Variants in TACC2 observed in about 807,000 individuals in gnomAD.
TACC2 encodes transforming acidic coiled-coil-containing protein 2.
In TACC2, 137 loss-of-function variants were observed where a neutral mutation model predicts 227.3. That is an observed-to-expected ratio of 0.60 (90% CI 0.52 to 0.69). TACC2 has a LOEUF of 0.69. TACC2 is among the 30% of genes least tolerant of loss of function. TACC2 has a pLI of 0.00. For missense variants in TACC2, 3,470 were observed against 3,694.4 expected, an observed-to-expected ratio of 0.94 and a Z score of 1.57; for synonymous variants, 1,523 against 1,487.5, an observed-to-expected ratio of 1.02 and a Z score of -0.55.
At chr10:122,008,950 T>C (rs1446405773) in intron 1 of TACC2, among the ~76,000 whole-genome samples, 1 of 152,238 alleles carries the variant, frequency 6.6e-6, no homozygotes. Flanking sequence ...AGACATTTTT[T>C]AAAGAATTTT....
At chr10:122,016,260 T>TAAAA (rs1956604021) in intron 1 of TACC2, among the ~76,000 whole-genome samples, 1 of 33,556 alleles carries the variant, frequency 3.0e-5, no homozygotes, top group Admixed American at 3.8e-4. Flanking sequence ...AGACCCTGTC[T>TAAAA]GAAAAAAAAA....
chr10:122,203,503 G>C (rs1391233067), intron 8 of TACC2, among the ~76,000 whole-genome samples: 2 of 149,548 alleles, frequency 1.3e-5, no homozygotes, highest in South Asian at 2.1e-4. Context: ...CGGGCGGAGG[G>C]GCTCCTCACT....
chr10:122,120,631 C>G (rs2085567869), intron 5 of TACC2, among the ~76,000 whole-genome samples: 1 of 152,176 alleles, frequency 6.6e-6, no homozygotes, highest in East Asian at 1.9e-4. Context: ...CCTCGTGCGG[C>G]CTTGGGGAGA....
intron 5 of TACC2, among the ~76,000 whole-genome samples, chr10:122,094,534 C>A (rs2081171877): frequency 6.6e-6 from 1 of 152,202 alleles, no homozygotes; most frequent in African/African-American, 2.4e-5. Flanking sequence ...CCACCTTGGC[C>A]TCCTAAAGCA....
At chr10:122,067,505 T>C (rs978385867) in intron 3 of TACC2, among the ~76,000 whole-genome samples, 1 of 118,138 alleles carries the variant, frequency 8.5e-6, no homozygotes, top group Non-Finnish European at 1.7e-5. Context: ...TCACTGTTTC[T>C]GGTTTTTTTT....
chr10:122,148,841 T>C (rs1036641394), intron 7 of TACC2, among the ~76,000 whole-genome samples: 5 of 152,204 alleles, frequency 3.3e-5, no homozygotes, highest in Admixed American at 1.3e-4. Context: ...GGAGAACAGA[T>C]GTGACTTTGA....
rs377634953 is a variant in TACC2, at chr10:122,216,441, A to G, written c.7345-186A>G. On this transcript the variant is annotated intron_variant, in intron 10 of 22. Coordinates refer to ENST00000369005, the MANE Select transcript of TACC2 (RefSeq NM_206862.4). ...AACAAACCATCATAAAAGGAGATTC[A>G]TAGAGGGAAGAATCTGTGTGTCCAT... Among the ~76,000 whole-genome samples the G allele has an allele frequency of 1.5e-3, 233 of 151,384 alleles. 1 individual carries two copies. Among genetic ancestry groups the G allele is most frequent in the African/African-American group, 5.2e-3 (216 of 41,230 alleles).
Position 121,989,204 on chromosome 10 carries a change from G to A in TACC2, c.-330G>A, listed in dbSNP as rs1952936263. The A allele has an allele frequency of 6.6e-6, 1 of 152,296 alleles. No individual in the cohort carries two copies. The highest frequency in any genetic ancestry group is 6.5e-5 in the Admixed American group (1 of 15,284). 9.4% of individuals were successfully genotyped at this position (152,296 alleles called of 1,614,324 possible). ...CTCCAAGGGAAGGATCAGGAGAGAA[G>A]AAACGCAAATCCCAGAACCGTGCCA... is the stretch of plus-strand genomic sequence containing the variant. On this transcript the variant is annotated 5_prime_UTR_variant, in exon 1 of 23. Transcript: ENST00000369005.
At position 122,037,121 on chromosome 10, in the gene TACC2, T is replaced by C. The variant is rs537899516; in HGVS notation, c.34-13317T>C. ...GTTCTGGAAAAGGAACATTCTGGAA[T>C]AAGGTAACAGGTGTGTATGGTATAG... is the stretch of plus-strand genomic sequence containing the variant. On this transcript the variant is annotated intron_variant, in intron 2 of 22. Coordinates refer to ENST00000369005, the MANE Select transcript of TACC2 (RefSeq NM_206862.4). 2.0e-5 allele frequency among the ~76,000 whole-genome samples: 3 copies of C among 152,260 alleles called. No homozygotes were observed. The East Asian group carries it at 5.8e-4, about 30-fold the overall frequency.
intron 16 of TACC2, among the ~76,000 whole-genome samples, chr10:122,233,642 A>T (rs537359903): frequency 6.6e-6 from 1 of 152,270 alleles, no homozygotes; most frequent in African/African-American, 2.4e-5. Flanking sequence ...ATACACACAC[A>T]TTGAGCCGAG....
At chr10:122,065,205 G>A (rs1217905492) in intron 3 of TACC2, among the ~76,000 whole-genome samples, 2 of 152,192 alleles carry the variant, frequency 1.3e-5, no homozygotes, top group African/African-American at 4.8e-5. Context: ...CAGTGTCTCT[G>A]TAGTTTCTTA....
intron 8 of TACC2, among the ~76,000 whole-genome samples, chr10:122,199,011 C>G (rs753891915): frequency 5.6e-4 from 86 of 152,364 alleles, no homozygotes; most frequent in Non-Finnish European, 9.4e-4. Flanking sequence ...CCCACCTGCC[C>G]TTCAGGGACA....
rs186296567 is a variant in TACC2, at chr10:122,124,871, A to G, written c.5574-7738A>G. 2.1e-4 allele frequency among the ~76,000 whole-genome samples: 32 copies of G among 152,254 alleles called. 1 individual carries two copies. In the East Asian group the frequency reaches 5.8e-3, roughly 28 times the overall value. On this transcript the variant is annotated intron_variant, in intron 5 of 22. Coordinates refer to ENST00000369005, the MANE Select transcript of TACC2 (RefSeq NM_206862.4). ...AATATAAATGTATATGTACCTATAT[A>G]TCCATCATTGCTACTTTTTCTGAAT...
chr10:122,229,472 G>A lies in TACC2; in HGVS notation c.8023G>A (p.Ala2675Thr), dbSNP rs539421583. Reference protein sequence around the residue: ...DLAEKNPPLFAQKLQEELEFA... With the variant: ...DLAEKNPPLFTQKLQEELEFA... ...AGCAGAAAAGAACCCCCCACTATTC[G>A]CTCAGAAACTCCAGGTTTGTAGCCC... The change falls in exon 15 of 23, where the codon GCT becomes ACT. Residue 2675 changes from alanine (A) to threonine (T), a missense_variant. By Grantham distance (58) the Ala-to-Thr change is moderately conservative. Around this residue, in one of 10 missense-constraint regions of TACC2, gnomAD observed 345 missense variants for 354.4 expected, o/e 0.97. Coordinates refer to ENST00000369005, the MANE Select transcript of TACC2 (RefSeq NM_206862.4). 184 of 1,613,874 alleles carry A rather than the reference G, an allele frequency of 1.1e-4. 1 individual carries two copies. The South Asian group carries it at 1.8e-3, about 16-fold the overall frequency.
At position 122,084,674 on chromosome 10, in the gene TACC2, C is replaced by T. The variant is rs537115035; in HGVS notation, c.2174C>T (p.Pro725Leu). 81 of 1,613,572 alleles carry T rather than the reference C, an allele frequency of 5.0e-5. No homozygotes were observed. The highest frequency in any genetic ancestry group is 6.5e-5 in the Non-Finnish European group (77 of 1,180,044). ...TLESEKSDFP[P>L]TPVAEVAPKA... is the part of the protein sequence containing the mutation. ...GAATCAGAGAAATCAGATTTTCCAC[C>T]AACTCCTGTTGCAGAGGTTGCACCC... Residue 725 changes from proline to leucine, a missense_variant, in exon 4 of 23, where the codon CCA (proline) becomes CTA (leucine). Physicochemically the swap from Pro to Leu is moderately conservative, Grantham distance 98. Transcript: ENST00000369005.
chr10:122,229,229 C>A (rs1360693906), intron 14 of TACC2, 117 bp from the exon 15 acceptor site: 2 of 1,207,502 alleles, frequency 1.7e-6, no homozygotes, highest in Non-Finnish European at 2.4e-6. Context: ...TTGATACTCT[C>A]TTTAGCCTCA....
chr10:122,240,078 G>A (rs892053152), intron 18 of TACC2, among the ~76,000 whole-genome samples: 1 of 152,192 alleles, frequency 6.6e-6, no homozygotes, highest in Non-Finnish European at 1.5e-5. Context: ...CTCCACCCCA[G>A]TGTCTTCATC....
intron 5 of TACC2, among the ~76,000 whole-genome samples, chr10:122,105,946 G>C (rs4752646): frequency 0.27 from 24,171 of 91,018 alleles, 2,378 homozygotes; most frequent in South Asian, 0.43. Flanking sequence ...TTCTCTCTCT[G>C]TGTGTGTGTG....
chr10:122,088,795 G>A (rs2080379501), intron 5 of TACC2: 2 of 1,491,418 alleles, frequency 1.3e-6, no homozygotes, highest in South Asian at 1.3e-5. Flanking sequence ...GATTGAATGA[G>A]TTGCTTTCAT....
Sources: allele counts gnomAD v4.1 joint callset (sites outside exome capture counted in the v4.1 genomes callset), GRCh38; gene constraint gnomAD v4.1.1; regional missense constraint gnomAD v4.1.1; transcripts MANE v1.5; gene names NCBI Gene and HGNC (gene_info 2026-07-23, HGNC 2026-07-21).